ZNF569: variants seen among roughly 807,000 people sequenced by gnomAD.
ZNF569 encodes DNA-binding protein.
ZNF569 carries 38 observed loss-of-function variants against 56.3 expected under a neutral mutation model. The ratio of observed to expected loss-of-function variants is 0.68; its 90% CI spans 0.52 to 0.88. The LOEUF is 0.88. Among genes scored for constraint, ZNF569 ranks in the 40% least tolerant of loss-of-function variants. The pLI, the probability that ZNF569 is intolerant of heterozygous loss-of-function variation, is 0.00. For synonymous variants in ZNF569, 241 were observed against 262.9 expected (o/e 0.92, Z 0.81); for missense variants, 666 against 809.2 (o/e 0.82, Z 2.15).
At chr19:37,460,757 C>A (rs1440009430) in intron 2 of ZNF569, among the ~76,000 whole-genome samples, 11 of 150,806 alleles carry the variant, frequency 7.3e-5, no homozygotes, top group Non-Finnish European at 1.6e-4. Flanking sequence ...TACAGTGATA[C>A]CCTGTCTCAA....
chr19:37,413,076 C>T lies in ZNF569; in HGVS notation c.1582G>A (p.Gly528Ser). ...GEKPYDCNECGKAFSQIASLT... is the reference protein window; with the variant it reads ...GEKPYDCNECSKAFSQIASLT... The stretch of plus-strand genomic sequence containing the variant: ...GATGCAATTTGAGAGAAGGCTTTAC[C>T]ACATTCATTACAATCATAAGGTTTC... The change falls in exon 6 of 6, where the codon GGT becomes AGT. Residue 528 changes from glycine (G) to serine (S), a missense_variant. Transcript: ENST00000316950. The T allele has an allele frequency of 6.2e-7, 1 of 1,613,946 alleles. No homozygotes were observed. Among genetic ancestry groups the T allele is most frequent in the Non-Finnish European group, 8.5e-7 (1 of 1,179,910 alleles).
At chr19:37,415,714 CA>C (rs34061624) in intron 5 of ZNF569, among the ~76,000 whole-genome samples, 9,080 of 125,846 alleles carry the variant, frequency 0.072, 701 homozygotes, top group African/African-American at 0.19. Context: ...ACTAAAAATA[CA>C]AAAAAAAAAA....
intron 3 of ZNF569, among the ~76,000 whole-genome samples, chr19:37,430,735 T>G (rs569828705): frequency 6.6e-6 from 1 of 152,264 alleles, no homozygotes; most frequent in East Asian, 1.9e-4. Flanking sequence ...AGTCACAGTA[T>G]CTGGTTTTAA....
Position 37,412,417 on chromosome 19 carries a change from G to A in ZNF569, c.*180C>T. 8.8e-7 allele frequency: 1 copy of A among 1,130,910 alleles called. No individual in the cohort carries two copies. The highest frequency in any genetic ancestry group is 1.1e-6 in the Non-Finnish European group (1 of 871,928). The allele number at this position is 1,130,910 out of a possible 1,614,324, so 70.1% of individuals were successfully genotyped here. On this transcript the variant is annotated 3_prime_UTR_variant, in exon 6 of 6. Coordinates refer to ENST00000316950, the MANE Select transcript of ZNF569 (RefSeq NM_152484.3). Reference sequence around the variant, plus strand: ...TGTCTGCTGAAAGTTTCTGGTAACAGCTTTTTCATTATATAATTTGTCACC... The same window carrying A: ...TGTCTGCTGAAAGTTTCTGGTAACAACTTTTTCATTATATAATTTGTCACC...
At chr19:37,435,855 T>C (rs2041300289) in intron 3 of ZNF569, among the ~76,000 whole-genome samples, 1 of 152,118 alleles carries the variant, frequency 6.6e-6, no homozygotes, top group Non-Finnish European at 1.5e-5. Context: ...AAAGCAAATA[T>C]TATTACAGTA....
chr19:37,462,323 T>C (rs185820813), intron 2 of ZNF569, among the ~76,000 whole-genome samples: 1 of 152,186 alleles, frequency 6.6e-6, no homozygotes, highest in African/African-American at 2.4e-5. Context: ...TCCTGTATTG[T>C]AGTTTCTCTC....
intron 5 of ZNF569, 38 bp from the exon 6 acceptor site, chr19:37,414,457 T>C (rs367650313): frequency 8.5e-6 from 13 of 1,521,160 alleles, no homozygotes; most frequent in Non-Finnish European, 1.1e-5. Flanking sequence ...TTACAAATTT[T>C]TTTCCAATAT....
chr19:37,460,732 C>G (rs1392028807), intron 2 of ZNF569, among the ~76,000 whole-genome samples: 1 of 151,046 alleles, frequency 6.6e-6, no homozygotes, highest in African/African-American at 2.4e-5. Context: ...AGTCACTGCA[C>G]TCTAGCCTGG....
intron 2 of ZNF569, among the ~76,000 whole-genome samples, chr19:37,460,942 G>C (rs751420947): frequency 1.8e-4 from 27 of 152,052 alleles, no homozygotes; most frequent in Non-Finnish European, 3.5e-4. Flanking sequence ...AAGAAAATAA[G>C]TGCAGTGATT....
intron 2 of ZNF569, among the ~76,000 whole-genome samples, chr19:37,446,567 A>AAAAAAAAAAAAAAG (rs1555839149): frequency 7.1e-6 from 1 of 141,000 alleles, no homozygotes. Context: ...AAAAAAAAAA[A>AAAAAAAAAAAAAAG]AAGAATGAAA....
At chr19:37,454,306 C>G (rs1002940698) in intron 2 of ZNF569, among the ~76,000 whole-genome samples, 1 of 151,952 alleles carries the variant, frequency 6.6e-6, no homozygotes, top group Non-Finnish European at 1.5e-5. Flanking sequence ...ACTATTGCTT[C>G]TATTTGATTC....
At chr19:37,420,544 A>G (rs186103389) in intron 5 of ZNF569, among the ~76,000 whole-genome samples, 70 of 152,354 alleles carry the variant, frequency 4.6e-4, no homozygotes, top group African/African-American at 1.5e-3. Context: ...TTGTTCACCC[A>G]TAAGAAGTAA....
In ZNF569 at chr19:37,411,351, A is replaced by G. The variant is rs539997981; in HGVS notation, c.*1246T>C. Reference sequence around the variant, plus strand: ...TTTGTGCATTTTAATTTTTTCTCTCAATATTATATATTGTAATCTATCCAT... The same window carrying G: ...TTTGTGCATTTTAATTTTTTCTCTCGATATTATATATTGTAATCTATCCAT... On this transcript the variant is annotated 3_prime_UTR_variant, in exon 6 of 6. Transcript: ENST00000316950. 1.1e-4 allele frequency: 16 copies of G among 152,248 alleles called. No homozygotes were observed. The South Asian group carries it at 3.3e-3, about 32-fold the overall frequency. 9.4% of individuals were successfully genotyped at this position (152,248 alleles called of 1,614,324 possible). A position where few individuals can be genotyped will look rare whatever the true frequency, so the allele number is the denominator to read the frequency against.
chr19:37,424,342 A>G (rs978122408), intron 5 of ZNF569, among the ~76,000 whole-genome samples: 2 of 152,172 alleles, frequency 1.3e-5, no homozygotes, highest in Admixed American at 6.5e-5. Flanking sequence ...AGATGCTAAT[A>G]ATAGAATGAA....
At chr19:37,425,759 C>T in intron 5 of ZNF569, 109 bp downstream of exon 5, 2 of 957,882 alleles carry the variant, frequency 2.1e-6, no homozygotes, top group Non-Finnish European at 1.6e-6. Flanking sequence ...ACCACTGTGC[C>T]AACCTCTGAA....
chr19:37,429,569 T>C (rs780145070), intron 3 of ZNF569, among the ~76,000 whole-genome samples: 5 of 152,222 alleles, frequency 3.3e-5, no homozygotes. Flanking sequence ...GAAGGGATGG[T>C]GCTCGAATCC....
In ZNF569 at chr19:37,444,957, A is replaced by C. The variant is rs200468053; in HGVS notation, c.-36T>G. The C allele has an allele frequency of 3.7e-6, 6 of 1,603,964 alleles. No individual in the cohort carries two copies. The highest frequency in any genetic ancestry group is 5.1e-6 in the Non-Finnish European group (6 of 1,176,150). On this transcript the variant is annotated 5_prime_UTR_variant, in exon 3 of 6. Coordinates refer to ENST00000316950, the MANE Select transcript of ZNF569 (RefSeq NM_152484.3). Reference sequence around the variant, plus strand: ...TTCTGGGAAGGGATGGGGCCTGCAGAAGTAGAGCTGGGGAAGAGAATAAAA... The same window carrying C: ...TTCTGGGAAGGGATGGGGCCTGCAGCAGTAGAGCTGGGGAAGAGAATAAAA...
chr19:37,432,902 GTCT>G (rs889714222), intron 3 of ZNF569, among the ~76,000 whole-genome samples: 13 of 144,484 alleles, frequency 9.0e-5, no homozygotes, highest in East Asian at 6.1e-4. Flanking sequence ...GAATGCATCA[GTCT>G]TTTTTTTTTT....
chr19:37,462,221 G>A (rs2041767637), intron 2 of ZNF569, among the ~76,000 whole-genome samples: 1 of 151,870 alleles, frequency 6.6e-6, no homozygotes, highest in Non-Finnish European at 1.5e-5. Flanking sequence ...TCCTGTTATT[G>A]CCGTGGTCAA....
Sources: gnomAD v4.1 joint callset for allele counts (sites outside exome capture counted in the v4.1 genomes callset) on GRCh38, gnomAD v4.1.1 for gene constraint, MANE v1.5 for transcripts, NCBI Gene and HGNC (gene_info 2026-07-23, HGNC 2026-07-21) for gene names.